SETBP1: variants seen among roughly 807,000 people sequenced by gnomAD.
The protein encoded by SETBP1 is SET-binding protein.
SETBP1 carries 9 observed loss-of-function variants against 101.0 expected under a neutral mutation model. The observed-to-expected ratio is 0.09, with a 90% CI of 0.05 to 0.16. SETBP1 has a LOEUF of 0.16. SETBP1 is among the 10% of genes least tolerant of loss of function. The pLI, the probability that SETBP1 is intolerant of heterozygous loss-of-function variation, is 1.00. For synonymous variants in SETBP1, 818 were observed against 788.5 expected (o/e 1.04, Z -0.63); for missense variants, 1,858 against 2,033.8 (o/e 0.91, Z 1.66).
intron 3 of SETBP1, among the ~76,000 whole-genome samples, chr18:44,944,657 C>T (rs1181452816): frequency 6.6e-6 from 1 of 152,184 alleles, no homozygotes; most frequent in East Asian, 1.9e-4. Context: ...GCATATTTTC[C>T]TGCTCATGTA....
At chr18:44,977,836 C>T (rs1004941100) in intron 4 of SETBP1, among the ~76,000 whole-genome samples, 1 of 152,122 alleles carries the variant, frequency 6.6e-6, no homozygotes, top group Non-Finnish European at 1.5e-5. Context: ...TCATCTCCCC[C>T]TTATATCTAT....
chr18:44,781,891 G>T (rs2071138729), intron 2 of SETBP1, among the ~76,000 whole-genome samples: 1 of 152,208 alleles, frequency 6.6e-6, no homozygotes, highest in African/African-American at 2.4e-5. Flanking sequence ...ACTGGTTTTT[G>T]TGATTCTATG....
rs769292864 is a variant in SETBP1 at position 44,869,261 on chromosome 18, A to G, written c.518A>G (p.Asp173Gly). The change falls in exon 3 of 6, where the codon GAC (aspartate) becomes GGC (glycine). Residue 173 changes from aspartate to glycine, a missense_variant. By Grantham distance (94) the Asp-to-Gly change is moderately conservative (BLOSUM62 -1). Transcript: ENST00000649279. ...LLTASDLAAS[D>G]LKGFQPQAYE... ...ACAGCCAGTGACCTTGCAGCCAGTG[A>G]CCTCAAAGGATTTCAGCCACAGGTA... The G allele has an allele frequency of 9.3e-6, 15 of 1,613,986 alleles. No homozygotes were observed.
At chr18:45,020,258 TAAAAAAAAAAAAAAAAA>T (rs57134217) in intron 4 of SETBP1, among the ~76,000 whole-genome samples, 627 of 53,080 alleles carry the variant, frequency 0.012, 12 homozygotes, top group African/African-American at 0.039. Context: ...GACTCTGTCT[TAAAAAAAAAAAAAAAAA>T]AAAAAAAAAA....
At chr18:45,049,060 C>T (rs1017859509) in intron 5 of SETBP1, among the ~76,000 whole-genome samples, 1 of 151,280 alleles carries the variant, frequency 6.6e-6, no homozygotes, top group African/African-American at 2.4e-5. Flanking sequence ...GGAAGGCCTG[C>T]CTCCAAAACA....
intron 4 of SETBP1, among the ~76,000 whole-genome samples, chr18:44,996,335 C>T (rs1270715802): frequency 6.6e-6 from 1 of 152,206 alleles, no homozygotes; most frequent in African/African-American, 2.4e-5. Context: ...CAGCAAGGCT[C>T]TCCATCTACA....
intron 2 of SETBP1, among the ~76,000 whole-genome samples, chr18:44,756,077 T>C (rs2165907): frequency 0.79 from 119,579 of 151,832 alleles, 47,202 homozygotes; most frequent in Admixed American, 0.82. Context: ...ATTAGCTGGC[T>C]GTGGTGGCAC....
rs8087349 is a variant in SETBP1 at position 44,922,976 on chromosome 18, A to G, written c.541-26905A>G. On this transcript the variant is annotated intron_variant, in intron 3 of 5. Transcript: ENST00000649279. ...AACTAACACAGAGCTCAGAGATTCC[A>G]CAGGTTGGTTCTCAAACCATGGATT... Among the ~76,000 whole-genome samples, 1,473 of 152,298 alleles carry G rather than the reference A, an allele frequency of 9.7e-3. 23 individuals are homozygous for G. The highest frequency in any genetic ancestry group is 0.034 in the African/African-American group (1,423 of 41,558).
rs576184647 is a variant in SETBP1 at position 44,869,118 on chromosome 18, C to T, written c.487-112C>T. 105 of 968,988 alleles carry T rather than the reference C, an allele frequency of 1.1e-4. No individual in the cohort carries two copies. The African/African-American group carries it at 1.2e-3, about 11-fold the overall frequency. 60.0% of individuals were successfully genotyped at this position (968,988 alleles called of 1,614,324 possible). A position where few individuals can be genotyped will look rare whatever the true frequency, so the allele number is the denominator to read the frequency against. ...CTCACATTTGCCTTCTGCGATCCCA[C>T]TTCTGTAGCTCTCATCCAGGCTATG... On this transcript the variant is annotated intron_variant, in intron 2 of 5. Coordinates refer to ENST00000649279, the MANE Select transcript of SETBP1 (RefSeq NM_015559.3).
intron 2 of SETBP1, among the ~76,000 whole-genome samples, chr18:44,774,479 T>C (rs1380196707): frequency 6.6e-6 from 1 of 152,134 alleles, no homozygotes; most frequent in Non-Finnish European, 1.5e-5. Flanking sequence ...TGACCCATCT[T>C]GGATCTTTAT....
rs377142086 is a variant in SETBP1, at chr18:44,889,050, T to G, written c.540+19767T>G. On this transcript the variant is annotated intron_variant, in intron 3 of 5. Transcript: ENST00000649279. Reference sequence around the variant, plus strand: ...ATTTGCTTGTAGGCCTTAATTTACTTGAAAGTTGAATATATTTCCTAGCAA... The same window carrying G: ...ATTTGCTTGTAGGCCTTAATTTACTGGAAAGTTGAATATATTTCCTAGCAA... Among the ~76,000 whole-genome samples, 6 of 152,264 alleles carry G rather than the reference T, an allele frequency of 3.9e-5. No homozygotes were observed. The East Asian group carries it at 7.7e-4, about 20-fold the overall frequency.
At chr18:44,806,063 C>T (rs1205868413) in intron 2 of SETBP1, among the ~76,000 whole-genome samples, 1 of 152,118 alleles carries the variant, frequency 6.6e-6, no homozygotes, top group Non-Finnish European at 1.5e-5. Flanking sequence ...TCACACACTT[C>T]TTGATATTTC....
At chr18:44,707,124 C>T (rs571513617) in intron 2 of SETBP1, among the ~76,000 whole-genome samples, 35 of 152,274 alleles carry the variant, frequency 2.3e-4, no homozygotes, top group Non-Finnish European at 3.8e-4. Context: ...CTGGAAGGGG[C>T]GAGGTTTTCC....
intron 2 of SETBP1, among the ~76,000 whole-genome samples, chr18:44,781,446 C>T (rs1160024675): frequency 6.7e-6 from 1 of 149,550 alleles, no homozygotes; most frequent in African/African-American, 2.5e-5. Flanking sequence ...CTTCTTTGCA[C>T]CGCTCTCTCT....
At chr18:44,937,897 T>C (rs1051591695) in intron 3 of SETBP1, among the ~76,000 whole-genome samples, 1 of 152,154 alleles carries the variant, frequency 6.6e-6, no homozygotes, top group Non-Finnish European at 1.5e-5. Flanking sequence ...CCCCGTCCCA[T>C]AGTTGAAGTG....
chr18:44,874,658 T>A (rs1449049958), intron 3 of SETBP1, among the ~76,000 whole-genome samples: 1 of 152,150 alleles, frequency 6.6e-6, no homozygotes, highest in Non-Finnish European at 1.5e-5. Flanking sequence ...AAGTGCAGTG[T>A]TCATTCCTGG....
In SETBP1 at chr18:44,951,991, A is replaced by G; in HGVS notation, c.2651A>G (p.Lys884Arg). 5 of 1,614,094 alleles carry G rather than the reference A, an allele frequency of 3.1e-6. No individual in the cohort carries two copies. The highest frequency in any genetic ancestry group is 4.2e-6 in the Non-Finnish European group (5 of 1,180,028). The change falls in exon 4 of 6, where the codon AAG becomes AGG. Residue 884 changes from lysine (K) to arginine (R), a missense_variant. Transcript: ENST00000649279. The surrounding 1 kb of genome is among the most constrained non-coding windows in gnomAD (Gnocchi z 7.8). ...AACAGCACTTCTGACCAAGCGGAGA[A>G]GAGCTCAGAATCCCGAAGGAGGTAC... is the stretch of plus-strand genomic sequence containing the variant. ...DNNSTSDQAE[K>R]SSESRRRYSF...
At chr18:44,745,759 T>A (rs1330594482) in intron 2 of SETBP1, among the ~76,000 whole-genome samples, 1 of 152,046 alleles carries the variant, frequency 6.6e-6, no homozygotes, top group African/African-American at 2.4e-5. Context: ...GCCTTGGAAG[T>A]GCTAAGTGAG....
At chr18:44,694,968 C>T (rs762911421) in intron 1 of SETBP1, among the ~76,000 whole-genome samples, 1 of 151,880 alleles carries the variant, frequency 6.6e-6, no homozygotes, top group Non-Finnish European at 1.5e-5. Context: ...TCAGAATCAG[C>T]TGAAAAGTGG....
Sources: allele counts gnomAD v4.1 joint callset (sites outside exome capture counted in the v4.1 genomes callset), GRCh38; gene constraint gnomAD v4.1.1; non-coding constraint Gnocchi (gnomAD v3.1); transcripts MANE v1.5; gene names NCBI Gene and HGNC (gene_info 2026-07-23, HGNC 2026-07-21).